Variants in RBM5 observed in about 807,000 individuals in gnomAD.
RBM5 encodes the protein RNA-binding protein 5.
RBM5 carries 15 observed loss-of-function variants against 124.6 expected under a neutral mutation model. The ratio of observed to expected loss-of-function variants is 0.12; its 90% CI spans 0.08 to 0.19. The LOEUF is 0.19. Among genes scored for constraint, RBM5 ranks in the 10% least tolerant of loss-of-function variants. The pLI is 1.00. For missense variants in RBM5, 580 were observed against 1,026.5 expected (o/e 0.57, Z 5.94); for synonymous variants, 337 against 361.2 (o/e 0.93, Z 0.76).
intron 1 of RBM5, 76 bp from the exon 2 acceptor site, chr3:50,090,306 G>A: frequency 1.1e-6 from 1 of 950,334 alleles, no homozygotes; most frequent in Admixed American, 2.2e-5. Flanking sequence ...CCCAGCCTCA[G>A]TAGTATCCAA....
rs749891032 is a variant in RBM5 at position 50,105,033 on chromosome 3, A to G, written c.629-44A>G. On this transcript the variant is annotated intron_variant, in intron 8 of 24. Coordinates refer to ENST00000347869, the MANE Select transcript of RBM5 (RefSeq NM_005778.4). The stretch of plus-strand genomic sequence containing the variant: ...ATTTTAATGTATTTCTTTGGTGAAA[A>G]TACATTAGTTGTTTGTCTCTAATTG... 3.7e-6 allele frequency: 5 copies of G among 1,350,838 alleles called. No homozygotes were observed. The Admixed American group carries it at 8.8e-5, about 24-fold the overall frequency. The allele number at this position is 1,350,838 out of a possible 1,614,324, so 83.7% of individuals were successfully genotyped here.
intron 4 of RBM5, among the ~76,000 whole-genome samples, chr3:50,098,028 C>T (rs2090856580): frequency 2.6e-5 from 4 of 152,028 alleles, no homozygotes. Context: ...ACCCAGGAGG[C>T]GGAGGTTGCA....
chr3:50,118,290 C>T, intron 24 of RBM5, 41 bp from the exon 25 acceptor site: 1 of 1,612,836 alleles, frequency 6.2e-7, no homozygotes, highest in Non-Finnish European at 8.5e-7. Flanking sequence ...TGGAGCAGCC[C>T]ATACCCTACC....
intron 4 of RBM5, 186 bp downstream of exon 4, chr3:50,094,061 A>T (rs1161457960): frequency 5.6e-6 from 3 of 532,424 alleles, no homozygotes; most frequent in Non-Finnish European, 9.7e-6. Flanking sequence ...ATAAGTTTAA[A>T]CATTTGCATT....
chr3:50,113,265 T>C, intron 17 of RBM5, 118 bp from the exon 18 acceptor site: 1 of 1,085,580 alleles, frequency 9.2e-7, no homozygotes, highest in Non-Finnish European at 1.3e-6. Context: ...CCAGGGTCTT[T>C]TCTGGGCAGG....
chr3:50,107,806 C>T (rs964000473), intron 12 of RBM5, among the ~76,000 whole-genome samples: 8 of 147,466 alleles, frequency 5.4e-5, no homozygotes, highest in Admixed American at 2.1e-4. Flanking sequence ...TCTGTCTCAG[C>T]CTCTTGAGTA....
At chr3:50,116,952 A>C (rs2091264338) in intron 22 of RBM5, 122 bp from the exon 23 acceptor site, 3 of 818,146 alleles carry the variant, frequency 3.7e-6, no homozygotes, top group African/African-American at 3.4e-5. Flanking sequence ...ATTTCAGAGC[A>C]GTCTAAAAAA....
At chr3:50,106,173 C>T (rs1338359842) in intron 10 of RBM5, among the ~76,000 whole-genome samples, 2 of 122,120 alleles carry the variant, frequency 1.6e-5, no homozygotes, top group African/African-American at 3.2e-5. Context: ...CTCGTTCTGT[C>T]GCCCAGGCTG....
chr3:50,100,219 CT>C lies in RBM5; in HGVS notation c.409+174del, dbSNP rs2108997317. ...GAAAACCATGTTAGCATCTGAGGAA[CT>C]TTTTTAAACTTTGTTTTAGGGACTT... On this transcript the variant is annotated intron_variant, in intron 5 of 24. Transcript: ENST00000347869. This position sits in a 1 kb window ranked among gnomAD's most constrained non-coding sequence, Gnocchi z 5.1. 4.6e-6 allele frequency: 3 copies of C among 656,668 alleles called. No homozygotes were observed. The highest frequency in any genetic ancestry group is 5.9e-5 in the East Asian group (2 of 33,922). The allele number at this position is 656,668 out of a possible 1,614,324, so 40.7% of individuals were successfully genotyped here.
intron 17 of RBM5, among the ~76,000 whole-genome samples, chr3:50,111,879 G>A (rs934067184): frequency 2.0e-5 from 3 of 152,082 alleles, no homozygotes; most frequent in Non-Finnish European, 4.4e-5. Context: ...ATGACCGGGA[G>A]CTGTATATAT....
Position 50,118,482 on chromosome 3 carries a change from A to G in RBM5, c.*26A>G, listed in dbSNP as rs1312369530. ...GAGAGAGAGAGAGAGAGAGATGACA[A>G]GGAGCACAAGAAGTGGTCCATCTCC... On this transcript the variant is annotated 3_prime_UTR_variant, in exon 25 of 25. Transcript: ENST00000347869. 1.2e-6 allele frequency: 2 copies of G among 1,608,014 alleles called. No individual in the cohort carries two copies. The highest frequency in any genetic ancestry group is 1.7e-6 in the Non-Finnish European group (2 of 1,176,680).
chr3:50,107,344 G>A, intron 11 of RBM5, 138 bp from the exon 12 acceptor site: 1 of 687,218 alleles, frequency 1.5e-6, no homozygotes, highest in South Asian at 1.7e-5. Flanking sequence ...TCCCCATGAA[G>A]AGCCCTCCCC....
chr3:50,106,116 CTATTTTTTTTT>C (rs2091023332), intron 10 of RBM5, among the ~76,000 whole-genome samples: 3 of 78,838 alleles, frequency 3.8e-5, no homozygotes, highest in Non-Finnish European at 4.9e-5. Context: ...CCACGCCCAG[CTATTTTTTTTT>C]TTTTTTTTTT....
In RBM5 at chr3:50,117,315, C is replaced by T; in HGVS notation, c.2258C>T (p.Ala753Val). ...AACATTGGCAACAAGATGCTGCAGGCCATGGGCTGGCGGGAAGGCTCTGGC... is the reference window on the plus strand; with the variant it reads ...AACATTGGCAACAAGATGCTGCAGGTCATGGGCTGGCGGGAAGGCTCTGGC... ...HSNIGNKMLQAMGWREGSGLG... is the reference protein window; with the variant it reads ...HSNIGNKMLQVMGWREGSGLG... Residue 753 changes from alanine (A) to valine (V), a missense_variant, in exon 24 of 25, where the codon GCC becomes GTC. Physicochemically the swap from Ala to Val is moderately conservative, Grantham distance 64. Around this residue, in one of 6 missense-constraint regions of RBM5, gnomAD observed 234 missense variants for 435.1 expected, o/e 0.54. Coordinates refer to ENST00000347869, the MANE Select transcript of RBM5 (RefSeq NM_005778.4). The surrounding 1 kb of genome is among the most constrained non-coding windows in gnomAD (Gnocchi z 4.2). 6.2e-7 allele frequency: 1 copy of T among 1,614,196 alleles called. No homozygotes were observed. The highest frequency in any genetic ancestry group is 8.5e-7 in the Non-Finnish European group (1 of 1,180,042).
Position 50,105,593 on chromosome 3 carries a change from A to G in RBM5, c.739A>G (p.Ile247Val), listed in dbSNP as rs770501918. The G allele has an allele frequency of 3.1e-6, 5 of 1,614,240 alleles. No homozygotes were observed. Among genetic ancestry groups the G allele is most frequent in the Admixed American group, 1.7e-5 (1 of 60,020 alleles). Residue 247 changes from isoleucine (I) to valine (V), a missense_variant, in exon 10 of 25, where the codon ATC (isoleucine) becomes GTC (valine). Around this residue, in one of 6 missense-constraint regions of RBM5, gnomAD observed 101 missense variants for 223.2 expected, o/e 0.45. Coordinates refer to ENST00000347869, the MANE Select transcript of RBM5 (RefSeq NM_005778.4). Reference protein sequence around the residue: ...NIAPHTVVDSIMTALSPYASL... With the variant: ...NIAPHTVVDSVMTALSPYASL... Reference sequence around the variant, plus strand: ...AGCTCCGCACACTGTGGTGGATTCCATCATGACAGCACTGTCTCCTTACGC... The same window carrying G: ...AGCTCCGCACACTGTGGTGGATTCCGTCATGACAGCACTGTCTCCTTACGC...
At chr3:50,092,309 C>A (rs1360692856) in intron 3 of RBM5, 101 bp downstream of exon 3, 3 of 1,330,082 alleles carry the variant, frequency 2.3e-6, no homozygotes, top group African/African-American at 1.5e-5. Context: ...TTCCCATAAT[C>A]CTATCACTTT....
At chr3:50,116,949 A>G in intron 22 of RBM5, 125 bp from the exon 23 acceptor site, 2 of 804,022 alleles carry the variant, frequency 2.5e-6, no homozygotes, top group East Asian at 2.7e-5. Context: ...GGTATTTCAG[A>G]GCAGTCTAAA....
rs200348063 is a variant in RBM5 at position 50,107,458 on chromosome 3, A to G, written c.954-24A>G. ...TGTGGGAATACTGTGATAGAATCAC[A>G]TGATTGGATCTTTGTGGTTTCAGAG... On this transcript the variant is annotated intron_variant, in intron 11 of 24. Coordinates refer to ENST00000347869, the MANE Select transcript of RBM5 (RefSeq NM_005778.4). The G allele has an allele frequency of 2.4e-4, 374 of 1,537,436 alleles. 1 individual carries two copies. The highest frequency in any genetic ancestry group is 3.2e-4 in the Non-Finnish European group (359 of 1,110,788).
At chr3:50,105,778 T>G in intron 10 of RBM5, 69 bp downstream of exon 10, 1 of 1,533,540 alleles carries the variant, frequency 6.5e-7, no homozygotes. Context: ...GTTCATCCAG[T>G]TTTGAAACTG....
Sources: allele counts gnomAD v4.1 joint callset (sites outside exome capture counted in the v4.1 genomes callset), GRCh38; gene constraint gnomAD v4.1.1; regional missense constraint gnomAD v4.1.1; non-coding constraint Gnocchi (gnomAD v3.1); transcripts MANE v1.5; gene names NCBI Gene and HGNC (gene_info 2026-07-23, HGNC 2026-07-21).